The following CSGALNACT1 variants were observed in gnomAD, a reference collection of about 807,000 sequenced individuals.
CSGALNACT1 encodes the protein beta4GalNAcT-1.
CSGALNACT1 carries 52 observed loss-of-function variants against 51.0 expected under a neutral mutation model. That is an observed-to-expected ratio of 1.02 (90% CI 0.82 to 1.29). The LOEUF (loss-of-function observed/expected upper bound fraction) is 1.29. Among genes scored for constraint, CSGALNACT1 ranks in the 50% most tolerant of loss-of-function variants. The pLI is 0.00. For missense variants in CSGALNACT1, 935 were observed against 679.2 expected, an observed-to-expected ratio of 1.38 and a Z score of -4.19; for synonymous variants, 341 against 254.4, an observed-to-expected ratio of 1.34 and a Z score of -3.24.
chr8:19,457,917 GT>G, intron 5 of CSGALNACT1: 1 of 729,266 alleles, frequency 1.4e-6, no homozygotes, highest in Non-Finnish European at 2.1e-6. Context: ...GATGATGCAG[GT>G]TACAATAAAA....
intron 3 of CSGALNACT1, among the ~76,000 whole-genome samples, chr8:19,507,104 G>A (rs1403568278): frequency 6.6e-6 from 1 of 152,150 alleles, no homozygotes; most frequent in Non-Finnish European, 1.5e-5. Context: ...AATGTGGATG[G>A]TAACACATCC....
At position 19,729,512 on chromosome 8, in the gene CSGALNACT1, G is replaced by A. The variant is rs185583303; in HGVS notation, c.-297+28338C>T. Among the ~76,000 whole-genome samples the A allele has an allele frequency of 4.9e-4, 75 of 152,244 alleles. 1 individual carries two copies. Among genetic ancestry groups the A allele is most frequent in the South Asian group, 8.3e-4 (4 of 4,812 alleles). ...TCCCAGGAGTATTCAAACACAGACCGGACAACCTGGGATGCTGTAGAGAGG... is the reference window on the plus strand; with the variant it reads ...TCCCAGGAGTATTCAAACACAGACCAGACAACCTGGGATGCTGTAGAGAGG... On this transcript the variant is annotated intron_variant, in intron 1 of 1. Coordinates refer to the CSGALNACT1 transcript ENST00000517494.
At chr8:19,612,400 C>T (rs2154153490) in intron 1 of CSGALNACT1, among the ~76,000 whole-genome samples, 1 of 151,798 alleles carries the variant, frequency 6.6e-6, no homozygotes, top group East Asian at 1.9e-4. Flanking sequence ...ATTTCAGATA[C>T]ACAGTGTTCT....
At chr8:19,660,219 G>C (rs2058642012) in intron 1 of CSGALNACT1, among the ~76,000 whole-genome samples, 1 of 152,180 alleles carries the variant, frequency 6.6e-6, no homozygotes, top group Non-Finnish European at 1.5e-5. Flanking sequence ...CATGGGATCA[G>C]AGAAAATTCA....
chr8:19,635,654 G>A (rs1051598389), intron 1 of CSGALNACT1, among the ~76,000 whole-genome samples: 1 of 152,174 alleles, frequency 6.6e-6, no homozygotes, highest in African/African-American at 2.4e-5. Flanking sequence ...TCATAAAGGA[G>A]GGATGGGCAG....
chr8:19,463,591 G>C (rs565929087), intron 4 of CSGALNACT1, among the ~76,000 whole-genome samples: 43 of 152,322 alleles, frequency 2.8e-4, no homozygotes, highest in Admixed American at 1.2e-3. Flanking sequence ...CAAATGGCAA[G>C]TACAAAGCAA....
intron 5 of CSGALNACT1, among the ~76,000 whole-genome samples, chr8:19,441,850 A>G (rs553132197): frequency 6.6e-6 from 1 of 151,610 alleles, no homozygotes; most frequent in Non-Finnish European, 1.5e-5. Context: ...CAGAATCTAC[A>G]ATGAACTCCA....
At chr8:19,417,937 T>G (rs1314381339) in intron 8 of CSGALNACT1, among the ~76,000 whole-genome samples, 1 of 152,214 alleles carries the variant, frequency 6.6e-6, no homozygotes, top group Non-Finnish European at 1.5e-5. Flanking sequence ...CTTGCATTGC[T>G]TCTCTGCAAA....
At chr8:19,468,952 G>A (rs954473376) in intron 4 of CSGALNACT1, among the ~76,000 whole-genome samples, 2 of 152,194 alleles carry the variant, frequency 1.3e-5, no homozygotes, top group African/African-American at 2.4e-5. Context: ...ACAGTGCATG[G>A]ATGTGCAAGG....
chr8:19,614,973 G>T (rs868518313), intron 1 of CSGALNACT1, among the ~76,000 whole-genome samples: 6 of 152,310 alleles, frequency 3.9e-5, no homozygotes, highest in Non-Finnish European at 5.9e-5. Context: ...AACAAGTGTT[G>T]AAGTATCCAA....
At chr8:19,722,978 A>G (rs957123070) in intron 1 of CSGALNACT1, among the ~76,000 whole-genome samples, 6 of 152,192 alleles carry the variant, frequency 3.9e-5, no homozygotes, top group African/African-American at 9.6e-5. Context: ...ACTACCTGCC[A>G]CCGATCTTTA....
intron 1 of CSGALNACT1, among the ~76,000 whole-genome samples, chr8:19,753,354 T>TA (rs200828179): frequency 2.1e-3 from 313 of 147,016 alleles, no homozygotes; most frequent in Non-Finnish European, 3.5e-3. Context: ...CCTTGATTTT[T>TA]TAAAAAAAAC....
intron 1 of CSGALNACT1, among the ~76,000 whole-genome samples, chr8:19,658,944 A>T (rs1321955707): frequency 6.6e-6 from 1 of 152,174 alleles, no homozygotes; most frequent in Non-Finnish European, 1.5e-5. Flanking sequence ...AAAAGCCAGT[A>T]CCTGGTAGCT....
At chr8:19,603,976 G>C (rs1270466584), upstream of CSGALNACT1, among the ~76,000 whole-genome samples, 1 of 152,154 alleles carries the variant, frequency 6.6e-6, no homozygotes, top group African/African-American at 2.4e-5. Flanking sequence ...GGAGTGTGTG[G>C]TACTAGCAAT....
At chr8:19,756,633 C>G (rs2065397642) in intron 1 of CSGALNACT1, among the ~76,000 whole-genome samples, 1 of 151,998 alleles carries the variant, frequency 6.6e-6, no homozygotes, top group East Asian at 2.0e-4. Flanking sequence ...ATCGCACGTC[C>G]CCTGGGCATG....
chr8:19,406,773 C>T (rs1211568309), intron 9 of CSGALNACT1, among the ~76,000 whole-genome samples: 1 of 152,154 alleles, frequency 6.6e-6, no homozygotes, highest in African/African-American at 2.4e-5. Context: ...CTTGCAGTGC[C>T]TCTCGGCTCA....
At chr8:19,536,675 G>T (rs118164575) in intron 3 of CSGALNACT1, among the ~76,000 whole-genome samples, 18 of 152,226 alleles carry the variant, frequency 1.2e-4, no homozygotes, top group African/African-American at 3.4e-4. Context: ...TAGAATCTAC[G>T]TAAGAAAGCA....
intron 1 of CSGALNACT1, among the ~76,000 whole-genome samples, chr8:19,645,458 T>C (rs2057180572): frequency 6.6e-6 from 1 of 151,978 alleles, no homozygotes; most frequent in African/African-American, 2.4e-5. Flanking sequence ...AGACAGGAGG[T>C]AGAATCCCAG....
chr8:19,628,854 A>G (rs2054818138), intron 1 of CSGALNACT1, among the ~76,000 whole-genome samples: 1 of 152,088 alleles, frequency 6.6e-6, no homozygotes, highest in African/African-American at 2.4e-5. Flanking sequence ...AGTCAACAAT[A>G]TGGGGGGAGG....
Sources: allele counts gnomAD v4.1 joint callset (sites outside exome capture counted in the v4.1 genomes callset), GRCh38; gene constraint gnomAD v4.1.1; transcripts MANE v1.5; gene names NCBI Gene and HGNC (gene_info 2026-07-23, HGNC 2026-07-21).